RBX1: variants seen among roughly 807,000 people sequenced by gnomAD.
RBX1 encodes the protein E3 ubiquitin-protein ligase RBX1.
For missense variants in RBX1, 46 were observed against 141.4 expected (o/e 0.33, Z 3.42); for synonymous variants, 48 against 47.9 (o/e 1.00, Z -0.01).
intron 2 of RBX1, among the ~76,000 whole-genome samples, chr22:40,961,303 T>C (rs1027358371): frequency 6.6e-6 from 1 of 151,950 alleles, no homozygotes; most frequent in South Asian, 2.1e-4. Context: ...CAGCCTGGTC[T>C]TGAATTCGTG....
chr22:40,964,201 GA>G (rs1050465471), intron 3 of RBX1, 84 bp downstream of exon 3: 32 of 1,034,206 alleles, frequency 3.1e-5, no homozygotes, highest in South Asian at 5.5e-5. Context: ...AATAACTAGG[GA>G]AAAAAATGAC....
chr22:40,970,350 C>CA (rs1000627504), intron 4 of RBX1, among the ~76,000 whole-genome samples: 6,326 of 101,424 alleles, frequency 0.062, 170 homozygotes, highest in Middle Eastern at 0.15. Flanking sequence ...AACTTCGTCT[C>CA]AAAAAAAAAA....
chr22:40,962,976 G>C (rs923581241), intron 2 of RBX1, among the ~76,000 whole-genome samples: 1 of 151,306 alleles, frequency 6.6e-6, no homozygotes, highest in South Asian at 2.1e-4. Flanking sequence ...GATTACAGGA[G>C]TGAGCCATCG....
Position 40,970,542 on chromosome 22 carries a change from G to A in RBX1, c.315-1934G>A, listed in dbSNP as rs563662538. On this transcript the variant is annotated intron_variant, in intron 4 of 4. Coordinates refer to ENST00000216225, the MANE Select transcript of RBX1 (RefSeq NM_014248.4). Reference sequence around the variant, plus strand: ...CTCTGATAGGTGACAATCAGTATTCGATTTTCATTTTTGAATTTTCAGTAA... The same window carrying A: ...CTCTGATAGGTGACAATCAGTATTCAATTTTCATTTTTGAATTTTCAGTAA... Among the ~76,000 whole-genome samples the A allele has an allele frequency of 1.4e-4, 21 of 152,024 alleles. No homozygotes were observed. In the South Asian group the frequency reaches 2.5e-3, roughly 18 times the overall value.
At chr22:40,966,012 C>T (rs984813096) in intron 3 of RBX1, among the ~76,000 whole-genome samples, 5 of 152,156 alleles carry the variant, frequency 3.3e-5, no homozygotes, top group African/African-American at 1.2e-4. Flanking sequence ...CATGGTGTGG[C>T]AGAAGGCTCT....
chr22:40,967,637 T>TAA (rs1407187573), intron 3 of RBX1, 162 bp from the exon 4 acceptor site: 2 of 558,404 alleles, frequency 3.6e-6, no homozygotes, highest in East Asian at 5.9e-5. Flanking sequence ...CCCTTGCATC[T>TAA]AACCAAGATA....
At chr22:40,958,134 A>AT (rs1569043150) in intron 2 of RBX1, among the ~76,000 whole-genome samples, 1 of 151,498 alleles carries the variant, frequency 6.6e-6, no homozygotes, top group African/African-American at 2.4e-5. Flanking sequence ...TAATTTTTTA[A>AT]TTTTTTGTAG....
At chr22:40,954,801 T>C (rs999753176) in intron 2 of RBX1, among the ~76,000 whole-genome samples, 1 of 151,992 alleles carries the variant, frequency 6.6e-6, no homozygotes, top group Non-Finnish European at 1.5e-5. Flanking sequence ...TTTTCCATTT[T>C]TTTTCCTTAT....
At chr22:40,956,999 CA>C (rs934745946) in intron 2 of RBX1, among the ~76,000 whole-genome samples, 21 of 151,534 alleles carry the variant, frequency 1.4e-4, no homozygotes, top group African/African-American at 4.6e-4. Context: ...CGCGCCATTG[CA>C]CTCCAGCCTG....
chr22:40,972,031 T>G (rs2058370411), intron 4 of RBX1, among the ~76,000 whole-genome samples: 1 of 152,178 alleles, frequency 6.6e-6, no homozygotes, highest in African/African-American at 2.4e-5. Context: ...GCTATTCTCA[T>G]TATTAGCTTT....
At chr22:40,972,380 G>A (rs951245503) in intron 4 of RBX1, 96 bp from the exon 5 acceptor site, 10 of 904,428 alleles carry the variant, frequency 1.1e-5, no homozygotes, top group African/African-American at 3.3e-5. Context: ...GATCACTTAG[G>A]TTCTAACTAA....
rs1046245271 is a variant in RBX1, at chr22:40,972,579, G to GT, written c.*98dup. ...CTAATTACAAATTGGATGGAACTGT[G>GT]TTTTTTTCTGCTTTGTTTTTTCAGT... On this transcript the variant is annotated 3_prime_UTR_variant, in exon 5 of 5. Coordinates refer to ENST00000216225, the MANE Select transcript of RBX1 (RefSeq NM_014248.4). 15 of 1,058,090 alleles carry GT rather than the reference G, an allele frequency of 1.4e-5. No individual in the cohort carries two copies. Among genetic ancestry groups the GT allele is most frequent in the African/African-American group, 4.8e-5 (3 of 62,916 alleles). The allele number at this position is 1,058,090 out of a possible 1,614,324, so 65.5% of individuals were successfully genotyped here.
At chr22:40,964,297 TAC>T in intron 3 of RBX1, 180 bp downstream of exon 3, 1 of 509,908 alleles carries the variant, frequency 2.0e-6, no homozygotes, top group South Asian at 2.6e-5. Context: ...GGGTAAAAAT[TAC>T]AGTTACTGCA....
At chr22:40,951,592 C>T (rs2058310546) in intron 1 of RBX1, 116 bp downstream of exon 1, 1 of 959,560 alleles carries the variant, frequency 1.0e-6, no homozygotes, top group Non-Finnish European at 1.5e-6. Context: ...GTTCCTGGGA[C>T]CGGGTACCAC....
chr22:40,961,972 A>AG (rs1416467794), intron 2 of RBX1, among the ~76,000 whole-genome samples: 1 of 151,798 alleles, frequency 6.6e-6, no homozygotes, highest in African/African-American at 2.4e-5. Context: ...CTTAGTAGAG[A>AG]GGGGGTTTTG....
Position 40,964,204 on chromosome 22 carries a change from AAAAATGACTAGTCCACCTTTCTCCC to A in RBX1, c.228+92_228+116del. 2.9e-5 allele frequency: 28 copies of A among 976,234 alleles called. No individual in the cohort carries two copies. The South Asian group carries it at 3.6e-4, about 12-fold the overall frequency. 60.5% of individuals were successfully genotyped at this position (976,234 alleles called of 1,614,324 possible). On this transcript the variant is annotated intron_variant, in intron 3 of 4. Coordinates refer to ENST00000216225, the MANE Select transcript of RBX1 (RefSeq NM_014248.4). ...GCTAGTCTTGAAAATAACTAGGGAA[AAAAATGACTAGTCCACCTTTCTCCC>A]AAAAGGTATACAAATAGTAAAAAAG...
intron 2 of RBX1, among the ~76,000 whole-genome samples, chr22:40,960,849 G>T (rs981325854): frequency 7.2e-5 from 11 of 151,888 alleles, no homozygotes; most frequent in African/African-American, 2.4e-4. Flanking sequence ...ACCTCTGCCT[G>T]CCAGGTTCCA....
intron 2 of RBX1, among the ~76,000 whole-genome samples, chr22:40,960,197 G>C (rs1297268892): frequency 6.6e-6 from 1 of 152,174 alleles, no homozygotes; most frequent in Non-Finnish European, 1.5e-5. Context: ...AGTACCAAGA[G>C]CCTAATTTGC....
chr22:40,961,705 C>T (rs541277130), intron 2 of RBX1, among the ~76,000 whole-genome samples: 2 of 152,096 alleles, frequency 1.3e-5, no homozygotes, highest in East Asian at 3.9e-4. Context: ...GGCCTGGCCC[C>T]AATTCTTTAT....
Sources: allele counts gnomAD v4.1 joint callset (sites outside exome capture counted in the v4.1 genomes callset), GRCh38; gene constraint gnomAD v4.1.1; transcripts MANE v1.5; gene names NCBI Gene and HGNC (gene_info 2026-07-23, HGNC 2026-07-21).